The following CERS2 variants were observed in gnomAD, a reference collection of about 807,000 sequenced individuals.
The protein encoded by CERS2 is LAG1 homolog, ceramide synthase 2.
A neutral mutation model predicts 56.6 loss-of-function variants in CERS2; 20 were observed. That is an observed-to-expected ratio of 0.35 (90% confidence interval 0.25 to 0.51). The LOEUF (loss-of-function observed/expected upper bound fraction) is 0.51. Ranked by LOEUF, CERS2 falls within the 20% of genes least tolerant of loss-of-function variation. The probability of loss-of-function intolerance (pLI) is 0.96; values close to 1 mark genes in which losing one functional copy is unlikely to be tolerated. For missense variants in CERS2, 361 were observed against 488.6 expected, an observed-to-expected ratio of 0.74 and a Z score of 2.46; for synonymous variants, 187 against 175.4, an observed-to-expected ratio of 1.07 and a Z score of -0.52.
At position 150,965,918 on chromosome 1, in the gene CERS2, A is replaced by G; in HGVS notation, c.*230T>C. On this transcript the variant is annotated 3_prime_UTR_variant, in exon 11 of 11. Coordinates refer to ENST00000368954, the MANE Select transcript of CERS2 (RefSeq NM_022075.5). ...GGATGACTTGGCGGGTAGGGAGGAA[A>G]ATACGACCGTCCCCCTCTAACAGAA... 4.4e-6 allele frequency: 2 copies of G among 453,410 alleles called. No homozygotes were observed. Among genetic ancestry groups the G allele is most frequent in the South Asian group, 4.3e-5 (1 of 23,364 alleles). The allele number at this position is 453,410 out of a possible 1,614,324, so 28.1% of individuals were successfully genotyped here. A position where few individuals can be genotyped will look rare whatever the true frequency, so the allele number is the denominator to read the frequency against.
chr1:150,967,192 T>C lies in CERS2; in HGVS notation c.623A>G (p.Glu208Gly). ...ASDVKRKDFK[E>G]QIIHHVATII... Reference sequence around the variant, plus strand: ...GGTGGCCACATGGTGGATGATCTGTTCCTTGAAATCCTGCAGAGATGATGC... The same window carrying C: ...GGTGGCCACATGGTGGATGATCTGTCCCTTGAAATCCTGCAGAGATGATGC... The change falls in exon 8 of 11, where the codon GAA becomes GGA. Residue 208 changes from glutamate to glycine, a missense_variant. This residue lies in a region of CERS2 where 236 missense variants were observed against 309.2 expected (regional missense o/e 0.76). Transcript: ENST00000368954. The C allele has an allele frequency of 6.2e-7, 1 of 1,614,064 alleles. No individual in the cohort carries two copies. Among genetic ancestry groups the C allele is most frequent in the Non-Finnish European group, 8.5e-7 (1 of 1,179,926 alleles).
chr1:150,968,242 G>C (rs1304577271), intron 3 of CERS2, 41 bp from the exon 4 acceptor site: 2 of 1,584,240 alleles, frequency 1.3e-6, no homozygotes, highest in Non-Finnish European at 1.7e-6. Context: ...TTTACCTTCG[G>C]AACTCAGCAG....
chr1:150,968,415 T>C lies in CERS2; in HGVS notation c.271A>G (p.Ser91Gly). ...NATLEHFYLT[S>G]GKQPKQVEVE... ...CATACCTGCTTGGGCTGCTTGCCAC[T>C]GGTCAGGTAGAAATGTTCCAAGGTG... Residue 91 changes from serine (S) to glycine (G), a missense_variant, in exon 3 of 11, where the codon AGT becomes GGT. Physicochemically the swap from Ser to Gly is moderately conservative, Grantham distance 56. Transcript: ENST00000368954. The C allele has an allele frequency of 3.7e-6, 6 of 1,614,022 alleles. No homozygotes were observed. The highest frequency in any genetic ancestry group is 3.3e-5 in the South Asian group (3 of 91,078).
Position 150,966,286 on chromosome 1 carries a change from C to G in CERS2, c.1005G>C (p.Leu335=). The G allele has an allele frequency of 6.2e-7, 1 of 1,612,340 alleles. No individual in the cohort carries two copies. The highest frequency in any genetic ancestry group is 8.5e-7 in the Non-Finnish European group (1 of 1,179,526). ...RMAHKFITGK[L]VEDERSDREE... ...CCCGGTCACTGCGTTCATCTTCTAC[C>G]AGCTGTGGAAAAGGGACAAGAAGGG... The change falls in exon 11 of 11, where the codon CTG becomes CTC. Residue 335 remains leucine, a splice_region_variant and synonymous_variant. Coordinates refer to ENST00000368954, the MANE Select transcript of CERS2 (RefSeq NM_022075.5).
In CERS2 at chr1:150,965,489, AGG is replaced by A. The variant is rs1034025524; in HGVS notation, c.*657_*658del. 3.0e-5 allele frequency: 2 copies of A among 67,396 alleles called. No individual in the cohort carries two copies. The highest frequency in any genetic ancestry group is 7.0e-5 in the Non-Finnish European group (2 of 28,480). The allele number at this position is 67,396 out of a possible 1,614,324, so 4.2% of individuals were successfully genotyped here. A position where few individuals can be genotyped will look rare whatever the true frequency, so the allele number is the denominator to read the frequency against. On this transcript the variant is annotated 3_prime_UTR_variant, in exon 11 of 11. Transcript: ENST00000368954. ...AGGGAAGGGGGAAGAGGCCAGAGAA[AGG>A]AGGAGGCAGTCAGATCTTAGACCTG...
chr1:150,969,602 G>T (rs1671126536), intron 1 of CERS2, among the ~76,000 whole-genome samples: 1 of 151,450 alleles, frequency 6.6e-6, no homozygotes, highest in African/African-American at 2.4e-5. Flanking sequence ...ATTGTCTACA[G>T]CAACCTGCAG....
intron 3 of CERS2, 59 bp from the exon 4 acceptor site, chr1:150,968,260 A>T: frequency 1.3e-6 from 2 of 1,543,368 alleles, no homozygotes; most frequent in Non-Finnish European, 1.8e-6. Context: ...CAGCATCCCC[A>T]GCCTCTCCCA....
chr1:150,968,648 A>T, intron 2 of CERS2, 136 bp from the exon 3 acceptor site: 2 of 751,808 alleles, frequency 2.7e-6, no homozygotes, highest in Non-Finnish European at 4.5e-6. Flanking sequence ...GGCTGCCCAC[A>T]GCTGACAAAG....
intron 1 of CERS2, among the ~76,000 whole-genome samples, chr1:150,970,211 C>G (rs112091077): frequency 8.7e-5 from 10 of 115,190 alleles, no homozygotes; most frequent in African/African-American, 3.1e-4. Context: ...CTGGGTAACA[C>G]AGTGAGACTC....
intron 1 of CERS2, among the ~76,000 whole-genome samples, chr1:150,972,464 C>T (rs1671206437): frequency 1.3e-5 from 2 of 152,174 alleles, no homozygotes; most frequent in African/African-American, 4.8e-5. Flanking sequence ...GGCCTCTTAG[C>T]ACCAGCACAC....
In CERS2 at chr1:150,966,049, TCTC is replaced by T; in HGVS notation, c.*96_*98del. On this transcript the variant is annotated 3_prime_UTR_variant, in exon 11 of 11. Transcript: ENST00000368954. The stretch of plus-strand genomic sequence containing the variant: ...GATGCAGAGAACTCTCCTCTCACTT[TCTC>T]CTTTTTCCCCAGAGCTTAAAGTGAC... The T allele has an allele frequency of 8.0e-7, 1 of 1,255,178 alleles. No homozygotes were observed. The highest frequency in any genetic ancestry group is 1.1e-6 in the Non-Finnish European group (1 of 915,460). The allele number at this position is 1,255,178 out of a possible 1,614,324, so 77.8% of individuals were successfully genotyped here. A position where few individuals can be genotyped will look rare whatever the true frequency, so the allele number is the denominator to read the frequency against.
chr1:150,967,282 C>A, intron 7 of CERS2, 80 bp from the exon 8 acceptor site: 2 of 1,492,908 alleles, frequency 1.3e-6, no homozygotes, highest in South Asian at 1.1e-5. Flanking sequence ...GCCTTTGGTT[C>A]CCCATATACC....
chr1:150,969,665 G>C (rs1482626557), intron 1 of CERS2, among the ~76,000 whole-genome samples: 1 of 152,008 alleles, frequency 6.6e-6, no homozygotes, highest in East Asian at 1.9e-4. Flanking sequence ...TCTGATTTCG[G>C]GGAGTGGGGG....
chr1:150,966,340 G>A, intron 10 of CERS2, 52 bp from the exon 11 acceptor site: 1 of 1,603,072 alleles, frequency 6.2e-7, no homozygotes, highest in Non-Finnish European at 8.5e-7. Context: ...AAACCCCTAA[G>A]TACTGCTTCT....
intron 1 of CERS2, among the ~76,000 whole-genome samples, chr1:150,973,504 A>T (rs57746902): frequency 0.072 from 10,970 of 152,288 alleles, 1,339 homozygotes; most frequent in African/African-American, 0.25. Flanking sequence ...GTGGGGGACC[A>T]GGGGAGAAAA....
In CERS2 at chr1:150,966,795, A is replaced by G. The variant is rs769585113; in HGVS notation, c.809T>C (p.Ile270Thr). ...GACCAGTCGGGTGATGATAAAAACA[A>G]TGGCGAAGACGATGAAGATGTTGTT... is the stretch of plus-strand genomic sequence containing the variant. ...TCNNIFIVFAIVFIITRLVIL... is the reference protein window; with the variant it reads ...TCNNIFIVFATVFIITRLVIL... Residue 270 changes from isoleucine to threonine, a missense_variant, in exon 9 of 11, where the codon ATT becomes ACT. Around this residue, in one of 3 missense-constraint regions of CERS2, gnomAD observed 122 missense variants for 151.9 expected, o/e 0.80. Transcript: ENST00000368954. The G allele has an allele frequency of 2.5e-6, 4 of 1,614,094 alleles. No individual in the cohort carries two copies. Among genetic ancestry groups the G allele is most frequent in the East Asian group, 2.2e-5 (1 of 44,882 alleles).
chr1:150,972,834 C>A (rs1671217486), intron 1 of CERS2, among the ~76,000 whole-genome samples: 1 of 152,118 alleles, frequency 6.6e-6, no homozygotes, highest in South Asian at 2.1e-4. Context: ...CCAACTCTGA[C>A]TGACACCCCC....
At chr1:150,970,321 C>T (rs1320506244) in intron 1 of CERS2, among the ~76,000 whole-genome samples, 1 of 151,538 alleles carries the variant, frequency 6.6e-6, no homozygotes, top group African/African-American at 2.4e-5. Context: ...CGAACTACTG[C>T]ACACAAGGTT....
chr1:150,967,003 C>A (rs1032618368), intron 8 of CERS2, 71 bp downstream of exon 8: 14 of 1,581,098 alleles, frequency 8.9e-6, no homozygotes, highest in Middle Eastern at 1.8e-4. Flanking sequence ...CCACCCCGCA[C>A]CTCCCTCCCA....
Sources: gnomAD v4.1 joint callset for allele counts (sites outside exome capture counted in the v4.1 genomes callset) on GRCh38, gnomAD v4.1.1 for gene constraint, gnomAD v4.1.1 regional missense constraint, MANE v1.5 for transcripts, NCBI Gene and HGNC (gene_info 2026-07-23, HGNC 2026-07-21) for gene names.